ROBO2: variants seen among roughly 807,000 people sequenced by gnomAD.
ROBO2 encodes the protein roundabout guidance receptor 2, also known as roundabout homolog 2.
In ROBO2, 53 loss-of-function variants were observed where a neutral mutation model predicts 160.8. The observed-to-expected ratio is 0.33, with a 90% CI of 0.26 to 0.41. ROBO2 has a LOEUF of 0.41. Among genes scored for constraint, ROBO2 ranks in the 10% least tolerant of loss-of-function variants. ROBO2 has a pLI of 1.00. For synonymous variants in ROBO2, 664 were observed against 611.7 expected (o/e 1.09, Z -1.26); for missense variants, 1,577 against 1,722.4 (o/e 0.92, Z 1.49).
intron 2 of ROBO2, among the ~76,000 whole-genome samples, chr3:76,356,888 A>C (rs1190281328): frequency 6.6e-6 from 1 of 151,928 alleles, no homozygotes; most frequent in Non-Finnish European, 1.5e-5. Flanking sequence ...AATTTCAAGA[A>C]ATTGAAACAT....
chr3:77,509,613 G>A (rs1457288707), intron 5 of ROBO2, among the ~76,000 whole-genome samples: 4 of 152,062 alleles, frequency 2.6e-5, no homozygotes, highest in African/African-American at 9.7e-5. Flanking sequence ...TCAAAGTTCA[G>A]TAAACAGAAA....
chr3:77,420,562 GCCA>G (rs1221170484), intron 2 of ROBO2, among the ~76,000 whole-genome samples: 5 of 151,984 alleles, frequency 3.3e-5, no homozygotes, highest in African/African-American at 1.2e-4. Context: ...CAGAATGAAA[GCCA>G]CCTGCTCCTC....
chr3:76,272,802 A>ATTTATATAT (rs1158948085), intron 2 of ROBO2, among the ~76,000 whole-genome samples: 4 of 49,722 alleles, frequency 8.0e-5, no homozygotes, highest in Non-Finnish European at 1.3e-4. Context: ...ATATATATAT[A>ATTTATATAT]AAATATATAA....
intron 2 of ROBO2, among the ~76,000 whole-genome samples, chr3:77,216,834 A>ATATTT (rs1329714270): frequency 7.2e-5 from 11 of 152,192 alleles, no homozygotes; most frequent in Non-Finnish European, 1.2e-4. Context: ...TTAGAATGCC[A>ATATTT]TATTTTTTTC....
intron 19 of ROBO2, among the ~76,000 whole-genome samples, chr3:77,599,663 A>T (rs1210912757): frequency 6.6e-6 from 1 of 152,016 alleles, no homozygotes; most frequent in African/African-American, 2.4e-5. Context: ...AATAAATAAA[A>T]AATAAATAAA....
chr3:76,567,620 GATAT>G (rs1201854439), intron 2 of ROBO2, among the ~76,000 whole-genome samples: 22 of 33,296 alleles, frequency 6.6e-4, no homozygotes, highest in Middle Eastern at 0.02. Flanking sequence ...CCAAACTACT[GATAT>G]ATATATATAT....
chr3:77,528,569 A>C (rs2091383665), intron 6 of ROBO2, among the ~76,000 whole-genome samples: 1 of 151,780 alleles, frequency 6.6e-6, no homozygotes, highest in African/African-American at 2.4e-5. Flanking sequence ...CCTTTTGATT[A>C]GTAATTTAAT....
chr3:77,433,962 G>A (rs557218302), intron 2 of ROBO2, among the ~76,000 whole-genome samples: 27 of 152,014 alleles, frequency 1.8e-4, no homozygotes, highest in African/African-American at 5.3e-4. Flanking sequence ...CATCACTCTC[G>A]TCAAAGCAGC....
chr3:76,230,551 C>A (rs943629537), intron 2 of ROBO2, among the ~76,000 whole-genome samples: 1 of 151,990 alleles, frequency 6.6e-6, no homozygotes, highest in African/African-American at 2.4e-5. Context: ...CTCGGTATAC[C>A]CATGAATACT....
intron 2 of ROBO2, among the ~76,000 whole-genome samples, chr3:75,983,739 GTAGA>G (rs1224501090): frequency 2.0e-5 from 3 of 151,014 alleles, no homozygotes; most frequent in Non-Finnish European, 4.4e-5. Context: ...TCATCACAGG[GTAGA>G]TATTTTGAAG....
At chr3:76,149,523 C>T (rs2072062054) in intron 2 of ROBO2, among the ~76,000 whole-genome samples, 1 of 149,788 alleles carries the variant, frequency 6.7e-6, no homozygotes, top group South Asian at 2.1e-4. Context: ...CTGTCTAAAA[C>T]ACACATCTGT....
intron 2 of ROBO2, among the ~76,000 whole-genome samples, chr3:76,222,378 G>A (rs1704021612): frequency 6.6e-6 from 1 of 152,160 alleles, no homozygotes; most frequent in Non-Finnish European, 1.5e-5. Context: ...CTTGGAAGAG[G>A]GCCAAGTGGG....
intron 2 of ROBO2, among the ~76,000 whole-genome samples, chr3:76,931,230 T>G (rs138082378): frequency 1.9e-3 from 282 of 152,354 alleles, no homozygotes; most frequent in African/African-American, 6.4e-3. Flanking sequence ...AGTCATTGAT[T>G]AATTTTTAGG....
intron 1 of ROBO2, among the ~76,000 whole-genome samples, chr3:77,080,775 A>G (rs140029383): frequency 6.6e-6 from 1 of 152,294 alleles, no homozygotes; most frequent in African/African-American, 2.4e-5. Context: ...GAATGCAGAA[A>G]GCTTGAAAAC....
chr3:76,908,423 A>G (rs2075759648), intron 2 of ROBO2, among the ~76,000 whole-genome samples: 2 of 152,290 alleles, frequency 1.3e-5, no homozygotes, highest in South Asian at 2.1e-4. Flanking sequence ...AGACCCAGAT[A>G]TATCAGTCAT....
intron 2 of ROBO2, among the ~76,000 whole-genome samples, chr3:76,985,306 G>C (rs941117016): frequency 2.6e-5 from 4 of 151,884 alleles, no homozygotes; most frequent in African/African-American, 9.7e-5. Flanking sequence ...AATCTGGCCG[G>C]GCACGGTGGC....
At chr3:77,435,024 A>G (rs2079141293) in intron 2 of ROBO2, among the ~76,000 whole-genome samples, 1 of 152,022 alleles carries the variant, frequency 6.6e-6, no homozygotes, top group Non-Finnish European at 1.5e-5. Context: ...GATGTAATTG[A>G]AGGAAAATGG....
At chr3:76,871,807 G>T (rs1197561931) in intron 2 of ROBO2, among the ~76,000 whole-genome samples, 2 of 152,108 alleles carry the variant, frequency 1.3e-5, no homozygotes, top group African/African-American at 4.8e-5. Context: ...AGTAGAAAGA[G>T]TCTTGTAGCC....
chr3:77,210,877 T>A (rs1488835497), intron 2 of ROBO2, among the ~76,000 whole-genome samples: 14 of 152,272 alleles, frequency 9.2e-5, no homozygotes, highest in Middle Eastern at 3.4e-3. Flanking sequence ...CTGAGAATGA[T>A]GATTTCCAGC....
Sources: allele counts gnomAD v4.1 joint callset (sites outside exome capture counted in the v4.1 genomes callset), GRCh38; gene constraint gnomAD v4.1.1; transcripts MANE v1.5; gene names NCBI Gene and HGNC (gene_info 2026-07-23, HGNC 2026-07-21).